VPS13C: variants seen among roughly 807,000 people sequenced by gnomAD.
VPS13C encodes the protein intermembrane lipid transfer protein VPS13C.
A neutral mutation model predicts 456.8 loss-of-function variants in VPS13C; 358 were observed. The ratio of observed to expected loss-of-function variants is 0.78; its 90% confidence interval spans 0.72 to 0.86. The LOEUF is 0.86. Among genes scored for constraint, VPS13C ranks in the 40% least tolerant of loss-of-function variants. The probability of loss-of-function intolerance (pLI) is 0.00; values close to 1 mark genes in which losing one functional copy is unlikely to be tolerated. For missense variants in VPS13C, 4,818 were observed against 4,385.4 expected (o/e 1.10, Z -2.79); for synonymous variants, 1,578 against 1,486.7 (o/e 1.06, Z -1.41).
chr15:61,865,656 AT>A (rs1157525926), intron 81 of VPS13C: 3 of 374,156 alleles, frequency 8.0e-6, no homozygotes, highest in Non-Finnish European at 1.1e-5. Flanking sequence ...GTGTATATAT[AT>A]GTATGTGTAT....
intron 21 of VPS13C, 151 bp from the exon 22 acceptor site, chr15:61,981,629 G>C (rs1404491305): frequency 3.2e-6 from 2 of 632,852 alleles, no homozygotes. Context: ...GGGAGGCCGA[G>C]ACAGGCAGAT....
chr15:61,956,909 A>G (rs988066719), intron 37 of VPS13C, among the ~76,000 whole-genome samples: 2 of 152,128 alleles, frequency 1.3e-5, no homozygotes, highest in Admixed American at 6.6e-5. Context: ...AAGTTACTGA[A>G]GCTAAACCCA....
rs896065645 is a variant in VPS13C at position 61,977,179 on chromosome 15, G to C, written c.2311C>G (p.Arg771Gly). ...TGCATAGTTGATGGATGCTGAAATCGACACTTTTTCCAGGTTTCCTCTTTA... is the reference window on the plus strand; with the variant it reads ...TGCATAGTTGATGGATGCTGAAATCCACACTTTTTCCAGGTTTCCTCTTTA... ...ARAEETWKKC[R>G]FQHPSTMHIL... is the part of the protein sequence containing the mutation. Residue 771 changes from arginine to glycine, a missense_variant, in exon 24 of 85, where the codon CGA becomes GGA. Physicochemically the swap from Arg to Gly is moderately radical, Grantham distance 125 (BLOSUM62 -2). Around this residue, in one of 3 missense-constraint regions of VPS13C, gnomAD observed 4,552 missense variants for 4,130.6 expected, o/e 1.10. Coordinates refer to ENST00000644861, the MANE Select transcript of VPS13C (RefSeq NM_020821.3). 9 of 1,554,668 alleles carry C rather than the reference G, an allele frequency of 5.8e-6. No homozygotes were observed. The highest frequency in any genetic ancestry group is 4.3e-6 in the Non-Finnish European group (5 of 1,154,996).
At chr15:61,960,104 G>A (rs1367052519) in intron 35 of VPS13C, among the ~76,000 whole-genome samples, 2 of 152,102 alleles carry the variant, frequency 1.3e-5, no homozygotes, top group Non-Finnish European at 2.9e-5. Flanking sequence ...AATGAATTAT[G>A]TACAGATTTC....
intron 81 of VPS13C, chr15:61,866,448 A>C: frequency 1.1e-5 from 11 of 984,460 alleles, no homozygotes; most frequent in East Asian, 1.1e-4. Flanking sequence ...AAAAAATCTT[A>C]AGTTACAGGG....
At chr15:62,034,690 C>G (rs1040360761) in intron 4 of VPS13C, among the ~76,000 whole-genome samples, 1 of 151,702 alleles carries the variant, frequency 6.6e-6, no homozygotes, top group Non-Finnish European at 1.5e-5. Flanking sequence ...CAACAGGAAG[C>G]CTTAGTTGCA....
chr15:61,910,451 T>G, intron 63 of VPS13C, 146 bp from the exon 64 acceptor site: 2 of 513,150 alleles, frequency 3.9e-6, no homozygotes, highest in Non-Finnish European at 2.8e-6. Context: ...CATCTCATAG[T>G]AAGATTACTG....
chr15:61,992,527 A>AT (rs2046255433), intron 16 of VPS13C, among the ~76,000 whole-genome samples: 1 of 152,180 alleles, frequency 6.6e-6, no homozygotes, highest in South Asian at 2.1e-4. Context: ...TCTGTGTGTA[A>AT]TAAAAAGTGG....
chr15:61,857,861 A>C (rs1440233102), intron 82 of VPS13C, among the ~76,000 whole-genome samples: 2 of 152,158 alleles, frequency 1.3e-5, no homozygotes, highest in African/African-American at 2.4e-5. Context: ...GGAGAACTGA[A>C]ATAGATCCCT....
intron 1 of VPS13C, among the ~76,000 whole-genome samples, chr15:62,045,726 G>A (rs1393060010): frequency 6.6e-6 from 1 of 151,952 alleles, no homozygotes; most frequent in Admixed American, 6.6e-5. Context: ...TTAGCTACAA[G>A]GATATTGCAG....
intron 82 of VPS13C, chr15:61,856,814 T>A (rs1893942198): frequency 6.3e-6 from 1 of 158,096 alleles, no homozygotes; most frequent in Non-Finnish European, 1.4e-5. Context: ...CCTGAAAATG[T>A]TTTACTTGGA....
intron 15 of VPS13C, among the ~76,000 whole-genome samples, chr15:62,007,100 T>G (rs1206904562): frequency 6.6e-6 from 1 of 152,140 alleles, no homozygotes; most frequent in African/African-American, 2.4e-5. Context: ...GTAACCTTAT[T>G]TTATCTGATA....
At chr15:61,892,193 T>C (rs1436699115) in intron 66 of VPS13C, among the ~76,000 whole-genome samples, 3 of 152,096 alleles carry the variant, frequency 2.0e-5, no homozygotes, top group Non-Finnish European at 4.4e-5. Flanking sequence ...AGAAGCAGGA[T>C]TAAAAACTCC....
chr15:61,919,206 T>C, intron 58 of VPS13C, 83 bp downstream of exon 58: 1 of 1,360,162 alleles, frequency 7.4e-7, no homozygotes, highest in Non-Finnish European at 1.0e-6. Flanking sequence ...CTGATGAAGT[T>C]TTACTGTATT....
intron 23 of VPS13C, among the ~76,000 whole-genome samples, chr15:61,978,276 T>C (rs2045771011): frequency 6.6e-6 from 1 of 151,824 alleles, no homozygotes; most frequent in Non-Finnish European, 1.5e-5. Flanking sequence ...GCAAGGAAAA[T>C]AATATTGAGT....
chr15:61,898,259 C>T (rs1299186320), intron 66 of VPS13C, among the ~76,000 whole-genome samples: 1 of 151,928 alleles, frequency 6.6e-6, no homozygotes, highest in Non-Finnish European at 1.5e-5. Flanking sequence ...ACAATATTAA[C>T]TTTAAATGTA....
At chr15:61,894,116 G>A (rs1470169362) in intron 66 of VPS13C, among the ~76,000 whole-genome samples, 1 of 152,000 alleles carries the variant, frequency 6.6e-6, no homozygotes, top group East Asian at 1.9e-4. Flanking sequence ...GACCAGTCTG[G>A]CCAACATGGT....
intron 81 of VPS13C, among the ~76,000 whole-genome samples, chr15:61,868,286 AAGT>A (rs1175968611): frequency 6.6e-6 from 1 of 152,154 alleles, no homozygotes; most frequent in Non-Finnish European, 1.5e-5. Flanking sequence ...TAGATTTACA[AAGT>A]AGTGCAAATA....
chr15:62,005,635 T>C (rs531143856), intron 15 of VPS13C, among the ~76,000 whole-genome samples: 47 of 152,238 alleles, frequency 3.1e-4, no homozygotes, highest in Non-Finnish European at 5.3e-4. Flanking sequence ...CATTTTGGCA[T>C]GATTTTGCAG....
Sources: allele counts gnomAD v4.1 joint callset (sites outside exome capture counted in the v4.1 genomes callset), GRCh38; gene constraint gnomAD v4.1.1; regional missense constraint gnomAD v4.1.1; transcripts MANE v1.5; gene names NCBI Gene and HGNC (gene_info 2026-07-23, HGNC 2026-07-21).